Variants in GREM2 observed in about 807,000 individuals in gnomAD.
GREM2 encodes the protein gremlin 2, DAN family BMP antagonist, also known as gremlin-2.
A neutral mutation model predicts 14.2 loss-of-function variants in GREM2; 11 were observed. That is an observed-to-expected ratio of 0.78 (90% confidence interval 0.49 to 1.28). The LOEUF is 1.28. GREM2 is among the 50% of genes most tolerant of loss of function. The pLI is 0.00. For synonymous variants in GREM2, 98 were observed against 97.6 expected (o/e 1.00, Z -0.02); for missense variants, 210 against 218.5 (o/e 0.96, Z 0.24).
chr1:240,609,252 A>G (rs1680087429), intron 1 of GREM2, among the ~76,000 whole-genome samples: 1 of 151,954 alleles, frequency 6.6e-6, no homozygotes, highest in Non-Finnish European at 1.5e-5. Context: ...CTGTTCTACA[A>G]ATCAGTGCGC....
intron 1 of GREM2, among the ~76,000 whole-genome samples, chr1:240,592,356 T>A (rs1679730994): frequency 6.6e-6 from 1 of 152,176 alleles, no homozygotes; most frequent in African/African-American, 2.4e-5. Flanking sequence ...CAGTGGCCTT[T>A]TGGGTAATTT....
intron 1 of GREM2, among the ~76,000 whole-genome samples, chr1:240,609,838 T>C (rs907378572): frequency 2.6e-5 from 4 of 152,264 alleles, no homozygotes; most frequent in African/African-American, 4.8e-5. Flanking sequence ...AAAAGAGATG[T>C]TTACTTTAAA....
chr1:240,535,039 T>A (rs1678446322), intron 1 of GREM2, among the ~76,000 whole-genome samples: 1 of 152,174 alleles, frequency 6.6e-6, no homozygotes, highest in Admixed American at 6.5e-5. Context: ...GTAGTTATTA[T>A]ATAAATCTGA....
intron 1 of GREM2, among the ~76,000 whole-genome samples, chr1:240,533,067 C>A (rs1382976179): frequency 6.6e-6 from 1 of 152,162 alleles, no homozygotes; most frequent in African/African-American, 2.4e-5. Flanking sequence ...ACAAAGAACT[C>A]AGCATTTTGT....
At chr1:240,505,140 T>C (rs1001178916) in intron 1 of GREM2, among the ~76,000 whole-genome samples, 28 of 152,150 alleles carry the variant, frequency 1.8e-4, no homozygotes, top group African/African-American at 6.5e-4. Flanking sequence ...CCTCCTGCTC[T>C]GGCCATGTGA....
At chr1:240,578,468 T>C (rs1679415105) in intron 1 of GREM2, among the ~76,000 whole-genome samples, 1 of 151,904 alleles carries the variant, frequency 6.6e-6, no homozygotes, top group African/African-American at 2.4e-5. Flanking sequence ...GCAAGGCAAT[T>C]CTCTGTTAGT....
chr1:240,580,778 G>A (rs568700718), intron 1 of GREM2, among the ~76,000 whole-genome samples: 1 of 152,124 alleles, frequency 6.6e-6, no homozygotes, highest in Non-Finnish European at 1.5e-5. Flanking sequence ...TCACTATTTT[G>A]CCCAGGCTGA....
At chr1:240,519,221 C>T (rs1157895225) in intron 1 of GREM2, among the ~76,000 whole-genome samples, 2 of 152,178 alleles carry the variant, frequency 1.3e-5, no homozygotes, top group East Asian at 1.9e-4. Flanking sequence ...TGCTCTTAGA[C>T]TGGATATAAA....
At chr1:240,511,462 G>T (rs566981407) in intron 1 of GREM2, among the ~76,000 whole-genome samples, 2 of 152,288 alleles carry the variant, frequency 1.3e-5, no homozygotes, top group South Asian at 2.1e-4. Context: ...TTATAAAAGG[G>T]ACTTGAGGCC....
At chr1:240,609,146 C>G (rs1238464834) in intron 1 of GREM2, among the ~76,000 whole-genome samples, 1 of 152,130 alleles carries the variant, frequency 6.6e-6, no homozygotes, top group Non-Finnish European at 1.5e-5. Flanking sequence ...AGGATTTATA[C>G]TGAAGCATGT....
At chr1:240,528,985 C>A (rs1265671127) in intron 1 of GREM2, among the ~76,000 whole-genome samples, 1 of 152,058 alleles carries the variant, frequency 6.6e-6, no homozygotes, top group African/African-American at 2.4e-5. Context: ...CAGCCAGAGT[C>A]GCCCTAAGGT....
chr1:240,572,739 C>G (rs572646687), intron 1 of GREM2, among the ~76,000 whole-genome samples: 1 of 152,258 alleles, frequency 6.6e-6, no homozygotes, highest in African/African-American at 2.4e-5. Flanking sequence ...ATGGAACTGA[C>G]TAAATATTTC....
chr1:240,518,796 C>T (rs1047159541), intron 1 of GREM2, among the ~76,000 whole-genome samples: 23 of 152,182 alleles, frequency 1.5e-4, no homozygotes, highest in Non-Finnish European at 2.9e-4. Flanking sequence ...AATCTGCATG[C>T]GTGGCTTGGT....
intron 1 of GREM2, among the ~76,000 whole-genome samples, chr1:240,593,697 C>A (rs1679757357): frequency 6.6e-6 from 1 of 152,182 alleles, no homozygotes; most frequent in Non-Finnish European, 1.5e-5. Context: ...AGGGCCTAGC[C>A]TAGTCCTGGT....
At chr1:240,606,709 G>A (rs375707644) in intron 1 of GREM2, among the ~76,000 whole-genome samples, 29 of 138,094 alleles carry the variant, frequency 2.1e-4, no homozygotes, top group South Asian at 6.8e-4. Context: ...GTGGAGTTTC[G>A]CTCCTGTTGC....
chr1:240,592,861 C>T (rs962506554), intron 1 of GREM2, among the ~76,000 whole-genome samples: 133 of 152,014 alleles, frequency 8.7e-4, no homozygotes, highest in African/African-American at 3.0e-3. Context: ...TGGCCGGGCA[C>T]GGTGGCTCAA....
chr1:240,539,351 C>T (rs1678540100), intron 1 of GREM2, among the ~76,000 whole-genome samples: 1 of 152,152 alleles, frequency 6.6e-6, no homozygotes, highest in Non-Finnish European at 1.5e-5. Context: ...AGGATCCACT[C>T]CATGAGCTTG....
At chr1:240,567,444 A>T (rs1290823031) in intron 1 of GREM2, among the ~76,000 whole-genome samples, 4 of 152,178 alleles carry the variant, frequency 2.6e-5, no homozygotes, top group African/African-American at 9.6e-5. Context: ...TAGCAAGATT[A>T]AAAAAACACA....
intron 1 of GREM2, among the ~76,000 whole-genome samples, chr1:240,573,133 C>A (rs1679290879): frequency 6.6e-6 from 1 of 151,502 alleles, no homozygotes; most frequent in South Asian, 2.1e-4. Context: ...AAAGAAACAG[C>A]AAATCAATTT....
Sources: allele counts gnomAD v4.1 joint callset (sites outside exome capture counted in the v4.1 genomes callset), GRCh38; gene constraint gnomAD v4.1.1; transcripts MANE v1.5; gene names NCBI Gene and HGNC (gene_info 2026-07-23, HGNC 2026-07-21).